The following CKMT2 variants were observed in gnomAD, a reference collection of about 807,000 sequenced individuals.
The protein encoded by CKMT2 is creatine kinase, mitochondrial 2.
In CKMT2, 43 loss-of-function variants were observed where a neutral mutation model predicts 48.9. The ratio of observed to expected loss-of-function variants is 0.88; its 90% CI spans 0.69 to 1.13. The LOEUF (loss-of-function observed/expected upper bound fraction) is 1.13, where lower values mean the gene tolerates loss of function less well. CKMT2 is among the 50% of genes most tolerant of loss of function. CKMT2 has a pLI of 0.00. For missense variants in CKMT2, 472 were observed against 555.4 expected (o/e 0.85, Z 1.51); for synonymous variants, 206 against 213.0 (o/e 0.97, Z 0.29).
At chr5:81,263,779 T>C (rs1757309147) in intron 9 of CKMT2, among the ~76,000 whole-genome samples, 163 bp downstream of exon 9, 2 of 152,158 alleles carry the variant, frequency 1.3e-5, no homozygotes, top group African/African-American at 2.4e-5. Context: ...TATTCTTCCA[T>C]GGGAAATAAC....
At chr5:81,256,326 G>C (rs1437777703) in intron 5 of CKMT2, among the ~76,000 whole-genome samples, 1 of 136,422 alleles carries the variant, frequency 7.3e-6, no homozygotes, top group African/African-American at 2.8e-5. Context: ...TGATCTCTCT[G>C]AATCTGTTTT....
In CKMT2 at chr5:81,251,159, A is replaced by G; in HGVS notation, c.27A>G (p.Leu9=). 2 of 1,614,046 alleles carry G rather than the reference A, an allele frequency of 1.2e-6. No individual in the cohort carries two copies. Among genetic ancestry groups the G allele is most frequent in the Non-Finnish European group, 1.7e-6 (2 of 1,179,956 alleles). MASIFSKL[L]TGRNASLLFA... ...TGGCCAGTATCTTTTCTAAGTTGCT[A>G]ACTGGCCGCAATGCTTCTCTGCTGT... The change falls in exon 2 of 10, where the codon CTA becomes CTG. Residue 9 remains leucine, a synonymous_variant. Transcript: ENST00000254035.
Position 81,263,622 on chromosome 5 carries a change from G to A in CKMT2, c.1140+6G>A. On this transcript the variant is annotated splice_donor_region_variant and intron_variant, in intron 9 of 9. Transcript: ENST00000254035. ...ATAGAATTGGTCGATCAGAGGTAAC[G>A]TCTCTCTCACTTTCCTAACATGAAC... 8 of 1,608,162 alleles carry A rather than the reference G, an allele frequency of 5.0e-6. No homozygotes were observed. Among genetic ancestry groups the A allele is most frequent in the Non-Finnish European group, 3.4e-6 (4 of 1,176,248 alleles).
intron 1 of CKMT2, among the ~76,000 whole-genome samples, chr5:81,233,668 T>C (rs974046482): frequency 3.3e-5 from 5 of 151,718 alleles, no homozygotes; most frequent in African/African-American, 1.2e-4. Flanking sequence ...TTTTTCTCGA[T>C]GGAAAAAAAA....
intron 5 of CKMT2, among the ~76,000 whole-genome samples, chr5:81,255,803 G>A (rs1756987488): frequency 6.8e-6 from 1 of 148,106 alleles, no homozygotes; most frequent in South Asian, 2.1e-4. Flanking sequence ...ATTTTCAAAA[G>A]TAACAACTTT....
At chr5:81,262,307 A>AAGAGC in intron 8 of CKMT2, among the ~76,000 whole-genome samples, 1 of 152,348 alleles carries the variant, frequency 6.6e-6, no homozygotes, top group South Asian at 2.1e-4. Flanking sequence ...CTAAAACACC[A>AAGAGC]AGAGCAATGG....
At chr5:81,262,511 G>C (rs1314613812) in intron 8 of CKMT2, among the ~76,000 whole-genome samples, 1 of 152,090 alleles carries the variant, frequency 6.6e-6, no homozygotes, top group Non-Finnish European at 1.5e-5. Flanking sequence ...CCATCAAAAA[G>C]TGGGCAAAGG....
chr5:81,255,724 C>G (rs970945758), intron 5 of CKMT2, among the ~76,000 whole-genome samples: 1 of 151,988 alleles, frequency 6.6e-6, no homozygotes, highest in South Asian at 2.1e-4. Context: ...GGCTTCCCTC[C>G]GGCACCAGGG....
chr5:81,260,293 C>T (rs1202969724), intron 8 of CKMT2, among the ~76,000 whole-genome samples: 1 of 152,146 alleles, frequency 6.6e-6, no homozygotes, highest in Non-Finnish European at 1.5e-5. Context: ...GACACCCTAA[C>T]ATCACAATTA....
chr5:81,256,708 T>G (rs1488336071), intron 5 of CKMT2, among the ~76,000 whole-genome samples: 3 of 152,246 alleles, frequency 2.0e-5, no homozygotes, highest in Non-Finnish European at 4.4e-5. Context: ...AACGTCCTGA[T>G]GCCCAGATCA....
chr5:81,234,755 G>T (rs1363443914), intron 1 of CKMT2, among the ~76,000 whole-genome samples: 1 of 152,154 alleles, frequency 6.6e-6, no homozygotes, highest in East Asian at 1.9e-4. Context: ...GTTGGGTCGG[G>T]GGGAGTACCA....
In CKMT2 at chr5:81,251,544, C is replaced by T. The variant is rs570621839; in HGVS notation, c.152+260C>T. On this transcript the variant is annotated intron_variant, in intron 2 of 9. Coordinates refer to ENST00000254035, the MANE Select transcript of CKMT2 (RefSeq NM_001099735.2). ...CGGAGGTTGTTGTGAGCCGAGATCG[C>T]GCCACTGCACTCCAGCCTGGCAACA... is the stretch of plus-strand genomic sequence containing the variant. Among the ~76,000 whole-genome samples, 141 of 152,112 alleles carry T rather than the reference C, an allele frequency of 9.3e-4. 1 individual carries two copies. Among genetic ancestry groups the T allele is most frequent in the Middle Eastern group, 3.4e-3 (1 of 294 alleles).
intron 2 of CKMT2, among the ~76,000 whole-genome samples, chr5:81,251,698 G>T (rs1756821681): frequency 6.6e-6 from 1 of 152,196 alleles, no homozygotes; most frequent in Non-Finnish European, 1.5e-5. Flanking sequence ...TGCCTTTGAG[G>T]ATGACTAAGT....
intron 5 of CKMT2, among the ~76,000 whole-genome samples, chr5:81,255,817 C>A (rs1450409210): frequency 1.4e-5 from 2 of 140,004 alleles, no homozygotes; most frequent in African/African-American, 5.5e-5. Context: ...CAACTTTAAA[C>A]TCTTAAAAAA....
At chr5:81,246,140 GCAGC>G (rs887270711) in intron 1 of CKMT2, among the ~76,000 whole-genome samples, 5 of 151,326 alleles carry the variant, frequency 3.3e-5, no homozygotes, top group African/African-American at 9.7e-5. Flanking sequence ...TTCTCCACTG[GCAGC>G]CAGAGCTACC....
chr5:81,238,728 AG>A (rs2112780248), intron 1 of CKMT2: 1 of 152,544 alleles, frequency 6.6e-6, no homozygotes, highest in African/African-American at 2.4e-5. Context: ...GTATCTGGAA[AG>A]TCCTCCCTTT....
intron 1 of CKMT2, among the ~76,000 whole-genome samples, chr5:81,243,235 A>T (rs1046787593): frequency 6.6e-6 from 1 of 152,214 alleles, no homozygotes; most frequent in South Asian, 2.1e-4. Flanking sequence ...AAAGGCACAG[A>T]GCACAAGGGC....
chr5:81,255,290 G>T, intron 5 of CKMT2, 76 bp downstream of exon 5: 1 of 1,314,626 alleles, frequency 7.6e-7, no homozygotes, highest in East Asian at 2.4e-5. Flanking sequence ...CTCTCCTGGT[G>T]CTCTGCTCAG....
chr5:81,249,378 G>A (rs1756724862), intron 1 of CKMT2, among the ~76,000 whole-genome samples: 1 of 152,082 alleles, frequency 6.6e-6, no homozygotes, highest in Non-Finnish European at 1.5e-5. Context: ...ACCATCCCGG[G>A]CCCATACACT....
Sources: gnomAD v4.1 joint callset for allele counts (sites outside exome capture counted in the v4.1 genomes callset) on GRCh38, gnomAD v4.1.1 for gene constraint, MANE v1.5 for transcripts, NCBI Gene and HGNC (gene_info 2026-07-23, HGNC 2026-07-21) for gene names.